SEMA6C: variants seen among roughly 807,000 people sequenced by gnomAD.
SEMA6C encodes semaphorin-6C.
Under a neutral mutation model 72.9 loss-of-function variants are expected in SEMA6C, and 37 were observed. That is an observed-to-expected ratio of 0.51 (90% CI 0.39 to 0.67). SEMA6C has a LOEUF of 0.67. SEMA6C is among the 30% of genes least tolerant of loss of function. SEMA6C has a pLI of 0.00. For missense variants in SEMA6C, 1,189 were observed against 1,263.6 expected, an observed-to-expected ratio of 0.94 and a Z score of 0.89; for synonymous variants, 578 against 554.1, an observed-to-expected ratio of 1.04 and a Z score of -0.61.
At chr1:151,140,225 T>A in intron 3 of SEMA6C, 135 bp from the exon 4 acceptor site, 1 of 687,750 alleles carries the variant, frequency 1.5e-6, no homozygotes, top group Non-Finnish European at 2.6e-6. Flanking sequence ...TTAATACCAA[T>A]AACACTGAGT....
intron 2 of SEMA6C, among the ~76,000 whole-genome samples, chr1:151,143,779 G>A (rs1682745936): frequency 1.3e-5 from 2 of 152,122 alleles, no homozygotes; most frequent in African/African-American, 4.8e-5. Flanking sequence ...TGAAGTGAGG[G>A]ACTTGGTCGG....
chr1:151,132,738 C>A lies in SEMA6C; in HGVS notation c.2539G>T (p.Gly847Cys). 6.9e-7 allele frequency: 1 copy of A among 1,452,624 alleles called. No homozygotes were observed. The highest frequency in any genetic ancestry group is 9.1e-7 in the Non-Finnish European group (1 of 1,102,346). The allele number at this position is 1,452,624 out of a possible 1,614,324, so 90.0% of individuals were successfully genotyped here. The change falls in exon 19 of 19, where the codon GGC (glycine) becomes TGC (cysteine). Residue 847 changes from glycine to cysteine, a missense_variant. Around this residue, in one of 2 missense-constraint regions of SEMA6C, gnomAD observed 721 missense variants for 686.2 expected, o/e 1.05. Transcript: ENST00000368914. ...LSAPAPRLGV[G>C]GGRRLPFSGH... ...GAGAAAGGCAACCTCCGGCCTCCGC[C>A]GACGCCCAGCCGGGGAGCGGGGGCG...
chr1:151,142,403 T>C, intron 3 of SEMA6C, 101 bp downstream of exon 3: 2 of 1,300,834 alleles, frequency 1.5e-6, no homozygotes, highest in Non-Finnish European at 2.1e-6. Flanking sequence ...GGCTGTTAGC[T>C]TCCTGAGGCT....
In SEMA6C at chr1:151,134,794, T is replaced by G; in HGVS notation, c.1658+4A>C. 1 of 1,613,994 alleles carries G rather than the reference T, an allele frequency of 6.2e-7. No homozygotes were observed. Among genetic ancestry groups the G allele is most frequent in the East Asian group, 2.2e-5 (1 of 44,872 alleles). On this transcript the variant is annotated splice_donor_region_variant and intron_variant, in intron 16 of 18. Coordinates refer to ENST00000368914, the MANE Select transcript of SEMA6C (RefSeq NM_030913.6). Reference sequence around the variant, plus strand: ...CTCAGGAAACCCAAGGACCCATCACTTACCCACCAGATCCCCTGATATCCA... The same window carrying G: ...CTCAGGAAACCCAAGGACCCATCACGTACCCACCAGATCCCCTGATATCCA...
In SEMA6C at chr1:151,132,323, CAAT is replaced by C; in HGVS notation, c.*158_*160del. 6.5e-7 allele frequency: 1 copy of C among 1,540,906 alleles called. No homozygotes were observed. Among genetic ancestry groups the C allele is most frequent in the Non-Finnish European group, 8.7e-7 (1 of 1,145,674 alleles). ...TGTCGAGGACAGGGGGAAAGACAGT[CAAT>C]AAATAAACCCGAGGCGAAAAGGGGC... On this transcript the variant is annotated 3_prime_UTR_variant, in exon 19 of 19. Coordinates refer to ENST00000368914, the MANE Select transcript of SEMA6C (RefSeq NM_030913.6).
Position 151,138,645 on chromosome 1 carries a change from C to T in SEMA6C, c.441G>A (p.Val147=). ...LACGTNSFSP[V]CRSYGITSLQ... is the part of the protein sequence containing the mutation. ...TCTTTTGTACCCCATAGCTGCGGCA[C>T]ACAGGGCTGAATGAGTTCGTTCCAC... is the stretch of plus-strand genomic sequence containing the variant. The change falls in exon 7 of 19, where the codon GTG becomes GTA. Residue 147 remains valine, a synonymous_variant. Transcript: ENST00000368914. The T allele has an allele frequency of 5.6e-6, 9 of 1,614,126 alleles. No homozygotes were observed. The highest frequency in any genetic ancestry group is 5.9e-6 in the Non-Finnish European group (7 of 1,179,938).
chr1:151,132,436 CGA>C lies in SEMA6C; in HGVS notation c.*46_*47del, dbSNP rs1558174183. On this transcript the variant is annotated 3_prime_UTR_variant, in exon 19 of 19. Transcript: ENST00000368914. ...TCCTGAAGAGCGTCCAGCTCGTGGC[CGA>C]GAGGACTCGGGCGCTCCCCACGCTG... 1 of 1,529,176 alleles carries C rather than the reference CGA, an allele frequency of 6.5e-7. No individual in the cohort carries two copies. Among genetic ancestry groups the C allele is most frequent in the Middle Eastern group, 1.7e-4 (1 of 5,844 alleles). The allele number at this position is 1,529,176 out of a possible 1,614,324, so 94.7% of individuals were successfully genotyped here. A position where few individuals can be genotyped will look rare whatever the true frequency, so the allele number is the denominator to read the frequency against.
At chr1:151,139,755 C>G (rs1393169448) in intron 4 of SEMA6C, 54 bp from the exon 5 acceptor site, 10 of 1,505,350 alleles carry the variant, frequency 6.6e-6, no homozygotes, top group Non-Finnish European at 8.1e-6. Context: ...CCCACTTTAC[C>G]CACAGTCAGC....
At chr1:151,139,901 A>T in intron 4 of SEMA6C, 75 bp downstream of exon 4, 1 of 1,405,966 alleles carries the variant, frequency 7.1e-7, no homozygotes, top group Non-Finnish European at 1.0e-6. Context: ...GCAAGATGCT[A>T]CAGTGGCCAT....
chr1:151,132,145 G>C lies in SEMA6C; in HGVS notation c.*339C>G. On this transcript the variant is annotated 3_prime_UTR_variant, in exon 19 of 19. Coordinates refer to ENST00000368914, the MANE Select transcript of SEMA6C (RefSeq NM_030913.6). Reference sequence around the variant, plus strand: ...AGAAGGCCCGAGGACTCTGGACACAGCGCGCGCGGCCCGCCCGGGGCACAG... The same window carrying C: ...AGAAGGCCCGAGGACTCTGGACACACCGCGCGCGGCCCGCCCGGGGCACAG... 7.7e-7 allele frequency: 1 copy of C among 1,304,274 alleles called. No individual in the cohort carries two copies. Among genetic ancestry groups the C allele is most frequent in the Non-Finnish European group, 1.0e-6 (1 of 999,016 alleles). 80.8% of individuals were successfully genotyped at this position (1,304,274 alleles called of 1,614,324 possible).
At position 151,133,371 on chromosome 1, in the gene SEMA6C, G is replaced by A. The variant is rs757908781; in HGVS notation, c.1906C>T (p.Arg636Trp). 6.2e-7 allele frequency: 1 copy of A among 1,600,632 alleles called. No homozygotes were observed. Among genetic ancestry groups the A allele is most frequent in the Non-Finnish European group, 8.5e-7 (1 of 1,175,950 alleles). ...SCACRRAHRR[R>W]GKDIETPGLP... Reference sequence around the variant, plus strand: ...CCCGGAGTCTCGATGTCCTTGCCCCGACGTCGGTGGGCGCGGCGACAAGCA... The same window carrying A: ...CCCGGAGTCTCGATGTCCTTGCCCCAACGTCGGTGGGCGCGGCGACAAGCA... The change falls in exon 19 of 19, where the codon CGG becomes TGG. Residue 636 changes from arginine (R) to tryptophan (W), a missense_variant. Physicochemically the swap from Arg to Trp is moderately radical, Grantham distance 101. This residue lies in a region of SEMA6C where 721 missense variants were observed against 686.2 expected (regional missense o/e 1.05). Transcript: ENST00000368914. This position sits in a 1 kb window ranked among gnomAD's most constrained non-coding sequence, Gnocchi z 5.9.
chr1:151,140,866 C>T (rs112096810), intron 3 of SEMA6C, among the ~76,000 whole-genome samples: 3,491 of 152,032 alleles, frequency 0.023, 128 homozygotes, highest in African/African-American at 0.075. Context: ...GGCGTGGTGG[C>T]GGGCGCCTGT....
rs1380956124 is a variant in SEMA6C, at chr1:151,145,729, C to T, written c.-105+704G>A. The T allele has an allele frequency of 1.3e-5, 2 of 152,886 alleles. No homozygotes were observed. The highest frequency in any genetic ancestry group is 2.4e-5 in the African/African-American group (1 of 41,440). 9.5% of individuals were successfully genotyped at this position (152,886 alleles called of 1,614,324 possible). On this transcript the variant is annotated intron_variant, in intron 1 of 18. Transcript: ENST00000368914. The surrounding 1 kb of genome is among the most constrained non-coding windows in gnomAD (Gnocchi z 4.4). ...GGGGAGCGGAGGCGGGTCTCCCAGGCCAGGGAAACAGGGCCAGAGGCTGAG... is the reference window on the plus strand; with the variant it reads ...GGGGAGCGGAGGCGGGTCTCCCAGGTCAGGGAAACAGGGCCAGAGGCTGAG...
Position 151,133,505 on chromosome 1 carries a change from T to A in SEMA6C, c.1772A>T (p.Asp591Val), listed in dbSNP as rs1475659811. The A allele has an allele frequency of 1.3e-6, 2 of 1,521,416 alleles. No individual in the cohort carries two copies. The highest frequency in any genetic ancestry group is 1.8e-6 in the Non-Finnish European group (2 of 1,137,656). 94.2% of individuals were successfully genotyped at this position (1,521,416 alleles called of 1,614,324 possible). A position where few individuals can be genotyped will look rare whatever the true frequency, so the allele number is the denominator to read the frequency against. ...GCGGGAGGCCGAGGCTGGGGGCAGGTCCCGGCGCACGCCTGCCGACCGAGA... is the reference window on the plus strand; with the variant it reads ...GCGGGAGGCCGAGGCTGGGGGCAGGACCCGGCGCACGCCTGCCGACCGAGA... ...PGDSAYGVRR[D>V]LPPASASRSV... is the part of the protein sequence containing the mutation. The change falls in exon 19 of 19, where the codon GAC becomes GTC. Residue 591 changes from aspartate (D) to valine (V), a missense_variant. This residue lies in a region of SEMA6C where 721 missense variants were observed against 686.2 expected (regional missense o/e 1.05). Coordinates refer to ENST00000368914, the MANE Select transcript of SEMA6C (RefSeq NM_030913.6). This position sits in a 1 kb window ranked among gnomAD's most constrained non-coding sequence, Gnocchi z 5.9.
In SEMA6C at chr1:151,136,667, C is replaced by A. The variant is rs891589243; in HGVS notation, c.975-88G>T. On this transcript the variant is annotated intron_variant, in intron 11 of 18. Coordinates refer to ENST00000368914, the MANE Select transcript of SEMA6C (RefSeq NM_030913.6). Reference sequence around the variant, plus strand: ...AGAAGTGGTGGCACCCTTCATACCACATTAAGAGATAGAGACTGAGGAGGT... The same window carrying A: ...AGAAGTGGTGGCACCCTTCATACCAAATTAAGAGATAGAGACTGAGGAGGT... The A allele has an allele frequency of 3.9e-6, 6 of 1,531,350 alleles. No individual in the cohort carries two copies. The African/African-American group carries it at 8.2e-5, about 21-fold the overall frequency. 94.9% of individuals were successfully genotyped at this position (1,531,350 alleles called of 1,614,324 possible).
Position 151,133,404 on chromosome 1 carries a change from C to T in SEMA6C, c.1873G>A (p.Val625Ile). The T allele has an allele frequency of 1.9e-6, 3 of 1,596,190 alleles. No homozygotes were observed. The highest frequency in any genetic ancestry group is 2.6e-6 in the Non-Finnish European group (3 of 1,174,308). The change falls in exon 19 of 19, where the codon GTC becomes ATC. Residue 625 changes from valine to isoleucine, a missense_variant. Val to Ile is a conservative substitution (Grantham distance 29, BLOSUM62 3). Around this residue, in one of 2 missense-constraint regions of SEMA6C, gnomAD observed 721 missense variants for 686.2 expected, o/e 1.05. Coordinates refer to ENST00000368914, the MANE Select transcript of SEMA6C (RefSeq NM_030913.6). The surrounding 1 kb of genome is among the most constrained non-coding windows in gnomAD (Gnocchi z 5.9). ...TGGGCGCGGCGACAAGCACAGGAGA[C>T]CAGGAGGCCAGAGACTGAGGCGCCC... The part of the protein sequence containing the change: ...ALGASVSGLL[V>I]SCACRRAHRR...
intron 11 of SEMA6C, 129 bp downstream of exon 11, chr1:151,136,728 T>A: frequency 2.2e-6 from 3 of 1,341,104 alleles, no homozygotes; most frequent in Non-Finnish European, 3.1e-6. Context: ...GGAGAAAAAA[T>A]GGCAACACAG....
chr1:151,136,151 A>G lies in SEMA6C; in HGVS notation c.1119T>C (p.Cys373=), dbSNP rs780214883. 6.2e-7 allele frequency: 1 copy of G among 1,613,812 alleles called. No homozygotes were observed. The highest frequency in any genetic ancestry group is 8.5e-7 in the Non-Finnish European group (1 of 1,179,946). ...ACAAGGCAGCTCCCCCTACTCCTGC[A>G]CAGGATCCTGGCCTGGTGGGTGAAT... is the stretch of plus-strand genomic sequence containing the variant. ...DRVPSPRPGS[C]AGVGGAALFS... Residue 373 remains cysteine, a synonymous_variant, in exon 13 of 19, where the codon TGT becomes TGC. Coordinates refer to ENST00000368914, the MANE Select transcript of SEMA6C (RefSeq NM_030913.6).
Position 151,136,013 on chromosome 1 carries a change from G to A in SEMA6C, c.1257C>T (p.Ser419=), listed in dbSNP as rs587651587. The A allele has an allele frequency of 1.2e-6, 2 of 1,614,140 alleles. No individual in the cohort carries two copies. The highest frequency in any genetic ancestry group is 2.2e-5 in the East Asian group (1 of 44,884). The change falls in exon 13 of 19, where the codon AGC becomes AGT. Residue 419 remains serine, a splice_region_variant and synonymous_variant. Transcript: ENST00000368914. ...GTCAGTGTTTTTCAGCCCCATACCT[G>A]CTAGTGAGAGTGAGTAGAGGCTGAT... ...VTHQPLLTLT[S]RALLTQVAVD...
Sources: gnomAD v4.1 joint callset for allele counts (sites outside exome capture counted in the v4.1 genomes callset) on GRCh38, gnomAD v4.1.1 for gene constraint, gnomAD v4.1.1 regional missense constraint, Gnocchi (gnomAD v3.1) non-coding constraint, MANE v1.5 for transcripts, NCBI Gene and HGNC (gene_info 2026-07-23, HGNC 2026-07-21) for gene names.